The following RIPK1 variants were observed in gnomAD, a reference collection of about 807,000 sequenced individuals.
RIPK1 encodes receptor-interacting serine/threonine-protein kinase 1.
Under a neutral mutation model 62.4 loss-of-function variants are expected in RIPK1, and 27 were observed. The observed-to-expected ratio is 0.43, with a 90% CI of 0.32 to 0.60. The LOEUF (loss-of-function observed/expected upper bound fraction) is 0.60, where lower values mean the gene tolerates loss of function less well. Among genes scored for constraint, RIPK1 ranks in the 20% least tolerant of loss-of-function variants. The pLI is 0.07. For synonymous variants in RIPK1, 287 were observed against 303.2 expected (o/e 0.95, Z 0.55); for missense variants, 735 against 831.0 (o/e 0.88, Z 1.42).
chr6:3,076,699 CAT>C lies in RIPK1; in HGVS notation c.-60-39_-60-38del, dbSNP rs10526418. On this transcript the variant is annotated intron_variant, in intron 1 of 10. Transcript: ENST00000259808. The stretch of plus-strand genomic sequence containing the variant: ...TGTCTCCAAAGGAGAAAAAAAAAAA[CAT>C]ATATATATATATATATATATATATA... 568 of 217,432 alleles carry C rather than the reference CAT, an allele frequency of 2.6e-3. 22 individuals are homozygous for C. The highest frequency in any genetic ancestry group is 0.011 in the African/African-American group (259 of 24,182). 13.5% of individuals were successfully genotyped at this position (217,432 alleles called of 1,614,324 possible). A position where few individuals can be genotyped will look rare whatever the true frequency, so the allele number is the denominator to read the frequency against.
At chr6:3,082,957 C>A in intron 4 of RIPK1, 128 bp from the exon 5 acceptor site, 1 of 808,104 alleles carries the variant, frequency 1.2e-6, no homozygotes, top group Non-Finnish European at 2.1e-6. Flanking sequence ...TTTGAACCTG[C>A]CCAGTGCAAC....
At chr6:3,082,282 A>T (rs1281078476) in intron 4 of RIPK1, among the ~76,000 whole-genome samples, 2 of 152,288 alleles carry the variant, frequency 1.3e-5, no homozygotes, top group East Asian at 3.9e-4. Context: ...CTTATTCATA[A>T]CCTATCTTCA....
At position 3,105,589 on chromosome 6, in the gene RIPK1, C is replaced by G. The variant is rs749361048; in HGVS notation, c.1114C>G (p.Pro372Ala). 4 of 1,613,830 alleles carry G rather than the reference C, an allele frequency of 2.5e-6. No homozygotes were observed. The highest frequency in any genetic ancestry group is 3.4e-6 in the Non-Finnish European group (4 of 1,179,930). The change falls in exon 9 of 11, where the codon CCC becomes GCC. Residue 372 changes from proline (P) to alanine (A), a missense_variant. Pro to Ala is a conservative substitution (Grantham distance 27, BLOSUM62 -1). Around this residue, in one of 2 missense-constraint regions of RIPK1, gnomAD observed 671 missense variants for 726.2 expected, o/e 0.92. Coordinates refer to ENST00000259808, the MANE Select transcript of RIPK1 (RefSeq NM_001354930.2). The surrounding 1 kb of genome is among the most constrained non-coding windows in gnomAD (Gnocchi z 4.5). ...GGAGCACCCACAAGAAGAGAATGAG[C>G]CCAGCCTGCAGAGTAAACTCCAAGA... ...SLEHPQEENE[P>A]SLQSKLQDEA...
chr6:3,076,083 T>C (rs998302044), intron 1 of RIPK1, among the ~76,000 whole-genome samples: 11 of 152,162 alleles, frequency 7.2e-5, no homozygotes, highest in African/African-American at 2.7e-4. Context: ...CTGCCTCCGG[T>C]GCTCTGTTTC....
At position 3,083,235 on chromosome 6, in the gene RIPK1, A is replaced by C; in HGVS notation, c.610A>C (p.Lys204Gln). The change falls in exon 5 of 11, where the codon AAG (lysine) becomes CAG (glutamine). Residue 204 changes from lysine to glutamine, a missense_variant. By Grantham distance (53) the Lys-to-Gln change is moderately conservative. Coordinates refer to ENST00000259808, the MANE Select transcript of RIPK1 (RefSeq NM_001354930.2). ...CGAGCACCTGAATGACGTCAACGCA[A>C]AGCCCACAGAGAAGTCGGATGTGTA... The part of the protein sequence containing the change: ...APEHLNDVNA[K>Q]PTEKSDVYSF... The C allele has an allele frequency of 6.2e-7, 1 of 1,614,014 alleles. No individual in the cohort carries two copies. Among genetic ancestry groups the C allele is most frequent in the Non-Finnish European group, 8.5e-7 (1 of 1,180,000 alleles).
At chr6:3,100,100 T>C (rs1217299458) in intron 7 of RIPK1, among the ~76,000 whole-genome samples, 1 of 152,168 alleles carries the variant, frequency 6.6e-6, no homozygotes, top group African/African-American at 2.4e-5. Context: ...AAACAATACT[T>C]ACAGTGTGGT....
chr6:3,077,685 C>A, intron 2 of RIPK1, 94 bp from the exon 3 acceptor site: 1 of 1,387,814 alleles, frequency 7.2e-7, no homozygotes, highest in Non-Finnish European at 1.0e-6. Flanking sequence ...CCAAGCATGA[C>A]CCCAGCACGT....
At position 3,076,883 on chromosome 6, in the gene RIPK1, T is replaced by C. The variant is rs1022656265; in HGVS notation, c.60T>C (p.Ser20=). The C allele has an allele frequency of 6.2e-7, 1 of 1,610,188 alleles. No individual in the cohort carries two copies. The highest frequency in any genetic ancestry group is 1.3e-5 in the African/African-American group (1 of 74,470). The change falls in exon 2 of 11, where the codon AGT becomes AGC. Residue 20 remains serine (S), a synonymous_variant. Coordinates refer to ENST00000259808, the MANE Select transcript of RIPK1 (RefSeq NM_001354930.2). The part of the protein sequence containing the change: ...IKMKSSDFLE[S]AELDSGGFGK... ...TGAAATCCAGTGACTTCCTGGAGAG[T>C]GCAGAACTGGACAGCGGAGGCTTTG... is the stretch of plus-strand genomic sequence containing the variant.
rs1293700267 is a variant in RIPK1 at position 3,083,289 on chromosome 6, T to C, written c.664T>C (p.Phe222Leu). 2 of 1,613,404 alleles carry C rather than the reference T, an allele frequency of 1.2e-6. No homozygotes were observed. Among genetic ancestry groups the C allele is most frequent in the Non-Finnish European group, 1.7e-6 (2 of 1,179,966 alleles). ...CTTTGCTGTAGTACTCTGGGCGATA[T>C]TTGCAAATAAGGAGCCATATGAAAG... ...YSFAVVLWAI[F>L]ANKEPYENAI... Residue 222 changes from phenylalanine (F) to leucine (L), a missense_variant, in exon 5 of 11, where the codon TTT becomes CTT. Physicochemically the swap from Phe to Leu is conservative, Grantham distance 22. Around this residue, in one of 2 missense-constraint regions of RIPK1, gnomAD observed 671 missense variants for 726.2 expected, o/e 0.92. Transcript: ENST00000259808.
chr6:3,096,000 G>A (rs1409410200), intron 7 of RIPK1, among the ~76,000 whole-genome samples: 2 of 152,046 alleles, frequency 1.3e-5, no homozygotes, highest in Admixed American at 1.3e-4. Context: ...CACCATGCCT[G>A]GCTAATTTGT....
At position 3,072,630 on chromosome 6, in the gene RIPK1, A is replaced by G. The variant is rs758499042; in HGVS notation, c.-61+3969A>G. 1.1e-4 allele frequency among the ~76,000 whole-genome samples: 17 copies of G among 152,172 alleles called. 1 individual carries two copies. Among genetic ancestry groups the G allele is most frequent in the Non-Finnish European group, 2.4e-4 (16 of 68,034 alleles). The stretch of plus-strand genomic sequence containing the variant: ...AGGCTCTGGAGATGGTGCACAAGAC[A>G]AGTTTCCTGCCTTCTGTGAACTTCA... On this transcript the variant is annotated intron_variant, in intron 1 of 10. Coordinates refer to ENST00000259808, the MANE Select transcript of RIPK1 (RefSeq NM_001354930.2). This position sits in a 1 kb window ranked among gnomAD's most constrained non-coding sequence, Gnocchi z 5.6.
upstream of RIPK1, chr6:3,068,303 C>A: frequency 1.0e-6 from 1 of 985,548 alleles, no homozygotes; most frequent in Non-Finnish European, 1.2e-6. Context: ...CTCTCGTGCG[C>A]GCGGAGGTTT....
Position 3,089,642 on chromosome 6 carries a change from C to T in RIPK1, c.900C>T (p.Asp300=), listed in dbSNP as rs369238450. Residue 300 remains aspartate, a synonymous_variant, in exon 7 of 11, where the codon GAC becomes GAT. Transcript: ENST00000259808. ...AATTAGAAGAAAGTGTAGAAGAGGACGTGAAGAGTTTAAAGGTAGGCAATA... is the reference window on the plus strand; with the variant it reads ...AATTAGAAGAAAGTGTAGAAGAGGATGTGAAGAGTTTAAAGGTAGGCAATA... ...LSQLEESVEE[D]VKSLKKEYSN... 89 of 1,578,470 alleles carry T rather than the reference C, an allele frequency of 5.6e-5. No individual in the cohort carries two copies. Among genetic ancestry groups the T allele is most frequent in the Middle Eastern group, 1.7e-4 (1 of 5,968 alleles).
At chr6:3,094,215 T>C (rs5029672) in intron 7 of RIPK1, among the ~76,000 whole-genome samples, 2,063 of 131,386 alleles carry the variant, frequency 0.016, 285 homozygotes, top group African/African-American at 0.071. Context: ...ACCTACCTGC[T>C]GCACCTAGTA....
chr6:3,110,825 A>G lies in RIPK1; in HGVS notation c.1599A>G (p.Ile533Met), dbSNP rs748607019. 3.8e-6 allele frequency: 6 copies of G among 1,585,246 alleles called. No homozygotes were observed. The Admixed American group carries it at 6.7e-5, about 18-fold the overall frequency. The change falls in exon 10 of 11, where the codon ATA becomes ATG. Residue 533 changes from isoleucine to methionine, a missense_variant. This residue lies in a region of RIPK1 where 671 missense variants were observed against 726.2 expected (regional missense o/e 0.92). Transcript: ENST00000259808. The stretch of plus-strand genomic sequence containing the variant: ...CAGATGAATCTATAAAATATACCAT[A>G]TACAATAGTACTGGCATTCAGATTG... ...PPTDESIKYT[I>M]YNSTGIQIGA...
chr6:3,081,318 A>C (rs935509215), intron 4 of RIPK1, among the ~76,000 whole-genome samples: 1 of 152,192 alleles, frequency 6.6e-6, no homozygotes, highest in African/African-American at 2.4e-5. Flanking sequence ...TGTCAGGATA[A>C]CTCATATCTT....
rs889023270 is a variant in RIPK1 at position 3,105,298 on chromosome 6, G to A, written c.1007-184G>A. Among the ~76,000 whole-genome samples the A allele has an allele frequency of 6.6e-6, 1 of 152,116 alleles. No homozygotes were observed. The highest frequency in any genetic ancestry group is 1.9e-4 in the East Asian group (1 of 5,190). ...TTCCTAGTACTCTCTTACTGCCAGC[G>A]AGGAGCTCCTATTATTATTTGTAAA... On this transcript the variant is annotated intron_variant, in intron 8 of 10. Transcript: ENST00000259808. The surrounding 1 kb of genome is among the most constrained non-coding windows in gnomAD (Gnocchi z 4.5).
chr6:3,067,529 G>A (rs1311524986), upstream of RIPK1, among the ~76,000 whole-genome samples: 1 of 151,920 alleles, frequency 6.6e-6, no homozygotes, highest in African/African-American at 2.4e-5. Flanking sequence ...ATATGGTGAG[G>A]TGTATGTTCA....
rs1411694863 is a variant in RIPK1, at chr6:3,113,504, C to A, written c.*165C>A. 2 of 640,374 alleles carry A rather than the reference C, an allele frequency of 3.1e-6. No individual in the cohort carries two copies. The highest frequency in any genetic ancestry group is 2.3e-5 in the South Asian group (1 of 42,974). The allele number at this position is 640,374 out of a possible 1,614,324, so 39.7% of individuals were successfully genotyped here. A position where few individuals can be genotyped will look rare whatever the true frequency, so the allele number is the denominator to read the frequency against. On this transcript the variant is annotated 3_prime_UTR_variant, in exon 11 of 11. Transcript: ENST00000259808. This position sits in a 1 kb window ranked among gnomAD's most constrained non-coding sequence, Gnocchi z 5.0. The stretch of plus-strand genomic sequence containing the variant: ...ATAGCTGGAGAATGGGGAAAGAAAT[C>A]TGCAGCAAAGGGGTCTCACTCTGTT...
Sources: gnomAD v4.1 joint callset for allele counts (sites outside exome capture counted in the v4.1 genomes callset) on GRCh38, gnomAD v4.1.1 for gene constraint, gnomAD v4.1.1 regional missense constraint, Gnocchi (gnomAD v3.1) non-coding constraint, MANE v1.5 for transcripts, NCBI Gene and HGNC (gene_info 2026-07-23, HGNC 2026-07-21) for gene names.